The following DAOA variants were observed in gnomAD, a reference collection of about 807,000 sequenced individuals.
DAOA encodes the protein D-amino acid oxidase regulator.
In DAOA, 15 loss-of-function variants were observed where a neutral mutation model predicts 16.4. The ratio of observed to expected loss-of-function variants is 0.91; its 90% CI spans 0.61 to 1.41. The LOEUF is 1.41. Ranked by LOEUF, DAOA falls within the 40% of genes most tolerant of loss-of-function variation. The pLI is 0.00. For synonymous variants in DAOA, 75 were observed against 59.1 expected (o/e 1.27, Z -1.23); for missense variants, 230 against 176.8 (o/e 1.30, Z -1.71).
intron 4 of DAOA, among the ~76,000 whole-genome samples, chr13:105,474,350 G>A (rs1436202527): frequency 4.6e-5 from 7 of 152,010 alleles, no homozygotes; most frequent in Non-Finnish European, 1.0e-4. Context: ...ACTAGAAAGT[G>A]TGAGTGTGTG....
At chr13:105,466,396 C>T in intron 2 of DAOA, 64 bp downstream of exon 2, 1 of 1,610,436 alleles carries the variant, frequency 6.2e-7, no homozygotes, top group Non-Finnish European at 8.5e-7. Context: ...TGCATGGCAG[C>T]ACAGAGCTCC....
chr13:105,486,831 G>T (rs754172692), intron 4 of DAOA, among the ~76,000 whole-genome samples: 1 of 152,048 alleles, frequency 6.6e-6, no homozygotes, highest in Non-Finnish European at 1.5e-5. Flanking sequence ...TGTTGGCCCA[G>T]CTGGTCTCAA....
chr13:105,473,758 G>A (rs1336111658), intron 4 of DAOA, among the ~76,000 whole-genome samples: 7 of 151,986 alleles, frequency 4.6e-5, no homozygotes, highest in East Asian at 1.9e-4. Flanking sequence ...ATAGTTTATC[G>A]GTGTGAAGCA....
chr13:105,480,901 G>A (rs553466557), intron 4 of DAOA, among the ~76,000 whole-genome samples: 6 of 152,144 alleles, frequency 3.9e-5, no homozygotes, highest in African/African-American at 1.4e-4. Context: ...CGGTAAGGAG[G>A]GATCTTCCTC....
intron 3 of DAOA, among the ~76,000 whole-genome samples, chr13:105,469,010 T>C (rs1007584129): frequency 7.2e-5 from 11 of 152,216 alleles, no homozygotes; most frequent in African/African-American, 2.7e-4. Flanking sequence ...AAATCAATCT[T>C]TACTTTAAAA....
chr13:105,477,757 A>T (rs944361591), intron 4 of DAOA, among the ~76,000 whole-genome samples: 2 of 152,186 alleles, frequency 1.3e-5, no homozygotes, highest in Admixed American at 1.3e-4. Context: ...CATATGACAG[A>T]AAAACATGAT....
intron 4 of DAOA, among the ~76,000 whole-genome samples, chr13:105,480,634 C>T (rs2226083): frequency 0.26 from 39,997 of 151,682 alleles, 5,439 homozygotes; most frequent in Non-Finnish European, 0.29. Flanking sequence ...AAGCCATCTG[C>T]AAGCTGGAGA....
At chr13:105,477,518 A>C (rs1877419099) in intron 4 of DAOA, among the ~76,000 whole-genome samples, 2 of 152,208 alleles carry the variant, frequency 1.3e-5, no homozygotes, top group South Asian at 4.1e-4. Context: ...GCTTGAGCCC[A>C]GGAGTTCAAG....
chr13:105,468,342 A>G (rs1358437149), intron 3 of DAOA, among the ~76,000 whole-genome samples: 1 of 152,226 alleles, frequency 6.6e-6, no homozygotes, highest in African/African-American at 2.4e-5. Context: ...CCTTGATAGC[A>G]TAATTAAAAC....
At chr13:105,467,254 T>A in intron 3 of DAOA, 113 bp downstream of exon 3, 1 of 1,196,188 alleles carries the variant, frequency 8.4e-7, no homozygotes, top group Non-Finnish European at 1.1e-6. Flanking sequence ...AAACTTCAAT[T>A]AATTTGTAAG....
At chr13:105,470,708 C>T (rs181041992) in intron 3 of DAOA, among the ~76,000 whole-genome samples, 1 of 152,230 alleles carries the variant, frequency 6.6e-6, no homozygotes, top group South Asian at 2.1e-4. Flanking sequence ...GTCCTGGGTT[C>T]AAGCAATTCT....
intron 4 of DAOA, among the ~76,000 whole-genome samples, chr13:105,482,506 GTTT>G (rs11287379): frequency 7.5e-6 from 1 of 134,114 alleles, no homozygotes; most frequent in Admixed American, 7.5e-5. Flanking sequence ...CTTGGTGTAA[GTTT>G]TTTTTTTTTT....
intron 4 of DAOA, chr13:105,475,118 T>A: frequency 1.1e-6 from 1 of 883,306 alleles, no homozygotes. Flanking sequence ...AAAGCAGAAG[T>A]GAAGTCAGCC....
chr13:105,487,570 A>G (rs558570068), intron 4 of DAOA, among the ~76,000 whole-genome samples: 1 of 142,098 alleles, frequency 7.0e-6, no homozygotes, highest in South Asian at 2.2e-4. Context: ...CTCTAAAACT[A>G]TTACAGGAAA....
intron 4 of DAOA, among the ~76,000 whole-genome samples, chr13:105,473,897 G>A (rs1877163779): frequency 6.6e-6 from 1 of 152,014 alleles, no homozygotes; most frequent in Non-Finnish European, 1.5e-5. Context: ...ATCTCTAAAA[G>A]GAAGCTAAAT....
intron 3 of DAOA, among the ~76,000 whole-genome samples, chr13:105,468,568 TA>T (rs1876702609): frequency 6.6e-6 from 1 of 152,184 alleles, no homozygotes; most frequent in African/African-American, 2.4e-5. Context: ...TAACAACAAT[TA>T]AAAAATTACA....
intron 4 of DAOA, among the ~76,000 whole-genome samples, chr13:105,483,847 T>C (rs866435846): frequency 2.6e-4 from 40 of 152,242 alleles, no homozygotes; most frequent in Admixed American, 1.7e-3. Flanking sequence ...TTTCATTTCT[T>C]TGTTATTTTT....
intron 3 of DAOA, among the ~76,000 whole-genome samples, chr13:105,472,172 C>T (rs990825907): frequency 6.6e-6 from 1 of 152,182 alleles, no homozygotes; most frequent in African/African-American, 2.4e-5. Context: ...AAAGGCTATG[C>T]ACATGTTATT....
rs200207534 is a variant in DAOA at position 105,472,648 on chromosome 13, T to C, written c.244T>C (p.Cys82Arg). ...MAQRHLQRSLCPWVSYLPQPY... is the reference protein window; with the variant it reads ...MAQRHLQRSLRPWVSYLPQPY... ...ACAGAGGCATTTACAGAGATCATTA[T>C]GTCCTTGGGTCTCTTACCTTCCTCA... is the stretch of plus-strand genomic sequence containing the variant. The change falls in exon 4 of 6, where the codon TGT becomes CGT. Residue 82 changes from cysteine to arginine, a missense_variant. Cys to Arg is a radical substitution (Grantham distance 180, BLOSUM62 -3). Transcript: ENST00000375936. 144 of 1,614,094 alleles carry C rather than the reference T, an allele frequency of 8.9e-5. 1 individual carries two copies. The highest frequency in any genetic ancestry group is 1.6e-4 in the Middle Eastern group (1 of 6,062).
Sources: allele counts gnomAD v4.1 joint callset (sites outside exome capture counted in the v4.1 genomes callset), GRCh38; gene constraint gnomAD v4.1.1; transcripts MANE v1.5; gene names NCBI Gene and HGNC (gene_info 2026-07-23, HGNC 2026-07-21).